The following RANBP2 variants were observed in gnomAD, a reference collection of about 807,000 sequenced individuals.
RANBP2 encodes E3 SUMO-protein ligase RanBP2.
In RANBP2, 57 loss-of-function variants were observed where a neutral mutation model predicts 303.6. The ratio of observed to expected loss-of-function variants is 0.19; its 90% confidence interval spans 0.15 to 0.23. The LOEUF (loss-of-function observed/expected upper bound fraction) is 0.23, where lower values mean the gene tolerates loss of function less well. RANBP2 is among the 10% of genes least tolerant of loss of function. The pLI, the probability that RANBP2 is intolerant of heterozygous loss-of-function variation, is 1.00. For missense variants in RANBP2, 3,138 were observed against 3,780.8 expected (o/e 0.83, Z 4.46); for synonymous variants, 1,167 against 1,301.5 (o/e 0.90, Z 2.23).
At chr2:109,510,902 CT>C in the RANBP2 span, among the ~76,000 whole-genome samples, 1 of 152,234 alleles carries the variant, frequency 6.6e-6, no homozygotes, top group Non-Finnish European at 1.5e-5. Context: ...CCAGGAGCCC[CT>C]GGCCTCCTCG....
chr2:109,675,745 C>T, the RANBP2 span, among the ~76,000 whole-genome samples: 1 of 152,272 alleles, frequency 6.6e-6, no homozygotes, highest in East Asian at 1.9e-4. Context: ...CAGTTGTAGC[C>T]CAGGCCTCCT....
chr2:109,185,437 G>A, the RANBP2 span, among the ~76,000 whole-genome samples: 2 of 152,210 alleles, frequency 1.3e-5, no homozygotes, highest in Admixed American at 6.5e-5. Flanking sequence ...TCCTTGATCC[G>A]AAGAGGCAAG....
the RANBP2 span, among the ~76,000 whole-genome samples, chr2:108,967,481 G>C: frequency 6.6e-6 from 1 of 152,066 alleles, no homozygotes; most frequent in Non-Finnish European, 1.5e-5. Flanking sequence ...GTGTTTACGG[G>C]TCTCCTACTT....
the RANBP2 span, among the ~76,000 whole-genome samples, chr2:109,766,407 G>T: frequency 6.6e-6 from 1 of 150,532 alleles, no homozygotes; most frequent in Admixed American, 6.8e-5. Context: ...GAGAACTTGG[G>T]GACTCCAGCT....
the RANBP2 span, among the ~76,000 whole-genome samples, chr2:109,484,898 C>G: frequency 6.6e-6 from 1 of 152,198 alleles, no homozygotes; most frequent in Non-Finnish European, 1.5e-5. Context: ...ACAACTATCT[C>G]CCCAGTCTCA....
the RANBP2 span, among the ~76,000 whole-genome samples, chr2:109,275,356 A>C: frequency 6.6e-6 from 1 of 152,134 alleles, no homozygotes; most frequent in African/African-American, 2.4e-5. Flanking sequence ...TAACGTTGAT[A>C]AGTTGCTCAG....
chr2:108,995,076 C>T, the RANBP2 span, among the ~76,000 whole-genome samples: 2 of 152,000 alleles, frequency 1.3e-5, no homozygotes, highest in African/African-American at 2.4e-5. Flanking sequence ...GTGATCCACC[C>T]GCCTCGGTCT....
chr2:109,568,942 G>C, the RANBP2 span, among the ~76,000 whole-genome samples: 1 of 152,190 alleles, frequency 6.6e-6, no homozygotes, highest in African/African-American at 2.4e-5. Flanking sequence ...GAGGGCAAGA[G>C]ATTTGGGGTT....
the RANBP2 span, among the ~76,000 whole-genome samples, chr2:108,992,935 C>A: frequency 6.6e-6 from 1 of 152,008 alleles, no homozygotes; most frequent in Admixed American, 6.6e-5. Context: ...CTCCTCAGCA[C>A]TGGCCAGCTA....
At chr2:108,970,611 C>A in the RANBP2 span, among the ~76,000 whole-genome samples, 1 of 152,062 alleles carries the variant, frequency 6.6e-6, no homozygotes, top group African/African-American at 2.4e-5. Flanking sequence ...GGGCAGGGGA[C>A]CAAGGTCTAA....
chr2:109,446,384 A>G, the RANBP2 span, among the ~76,000 whole-genome samples: 1 of 152,188 alleles, frequency 6.6e-6, no homozygotes, highest in Non-Finnish European at 1.5e-5. Context: ...TCCCCACCTC[A>G]TGGAGCTCCG....
the RANBP2 span, among the ~76,000 whole-genome samples, chr2:109,339,603 G>C: frequency 1.3e-5 from 2 of 152,200 alleles, no homozygotes; most frequent in African/African-American, 4.8e-5. Flanking sequence ...TGGGGCTGCA[G>C]GGGTTGCCGG....
At chr2:108,845,294 C>T in the RANBP2 span, among the ~76,000 whole-genome samples, 1 of 152,056 alleles carries the variant, frequency 6.6e-6, no homozygotes, top group Non-Finnish European at 1.5e-5. Context: ...TCTGACCACT[C>T]AACCATTTGG....
At chr2:109,461,705 G>A in the RANBP2 span, among the ~76,000 whole-genome samples, 11 of 152,034 alleles carry the variant, frequency 7.2e-5, no homozygotes, top group African/African-American at 2.4e-4. Flanking sequence ...GAGGCCCCAC[G>A]TAGCATCCCT....
chr2:109,371,205 A>G, the RANBP2 span, among the ~76,000 whole-genome samples: 1 of 152,222 alleles, frequency 6.6e-6, no homozygotes, highest in African/African-American at 2.4e-5. Context: ...CCTGGGCAAC[A>G]TGGCAAGACA....
At chr2:109,397,817 T>C in the RANBP2 span, among the ~76,000 whole-genome samples, 2 of 152,220 alleles carry the variant, frequency 1.3e-5, no homozygotes, top group Non-Finnish European at 2.9e-5. Flanking sequence ...CGGTTGCTCA[T>C]GGACTTGAAC....
chr2:109,406,206 T>C, the RANBP2 span, among the ~76,000 whole-genome samples: 1 of 152,076 alleles, frequency 6.6e-6, no homozygotes, highest in East Asian at 1.9e-4. Flanking sequence ...AGTGCTCTGC[T>C]GGGGGAGGGA....
At chr2:109,455,821 C>T in the RANBP2 span, among the ~76,000 whole-genome samples, 5 of 152,210 alleles carry the variant, frequency 3.3e-5, no homozygotes, top group African/African-American at 4.8e-5. Context: ...CATTCACTTC[C>T]GAAGTGACAG....
the RANBP2 span, among the ~76,000 whole-genome samples, chr2:109,032,759 G>A: frequency 6.6e-6 from 1 of 152,176 alleles, no homozygotes; most frequent in Non-Finnish European, 1.5e-5. Context: ...AAGATTTATA[G>A]GAACTCACAA....
Sources: allele counts gnomAD v4.1 joint callset (sites outside exome capture counted in the v4.1 genomes callset), GRCh38; gene constraint gnomAD v4.1.1; transcripts MANE v1.5; gene names NCBI Gene and HGNC (gene_info 2026-07-23, HGNC 2026-07-21).